Variants in MAPKAP1 observed in about 807,000 individuals in gnomAD.
The protein encoded by MAPKAP1 is MAPK associated protein 1.
In MAPKAP1, 20 loss-of-function variants were observed where a neutral mutation model predicts 65.7. The ratio of observed to expected loss-of-function variants is 0.30; its 90% CI spans 0.21 to 0.44. The LOEUF (loss-of-function observed/expected upper bound fraction) is 0.44, where lower values mean the gene tolerates loss of function less well. Ranked by LOEUF, MAPKAP1 falls within the 20% of genes least tolerant of loss-of-function variation. MAPKAP1 has a pLI of 1.00. For missense variants in MAPKAP1, 423 were observed against 648.0 expected, an observed-to-expected ratio of 0.65 and a Z score of 3.77; for synonymous variants, 222 against 244.3, an observed-to-expected ratio of 0.91 and a Z score of 0.85.
intron 5 of MAPKAP1, among the ~76,000 whole-genome samples, chr9:125,566,971 A>C (rs1275603760): frequency 6.6e-6 from 1 of 152,202 alleles, no homozygotes; most frequent in East Asian, 1.9e-4. Flanking sequence ...CCTCCTAGTC[A>C]CACAGCAAGC....
At chr9:125,536,539 T>G (rs1383919203) in intron 7 of MAPKAP1, among the ~76,000 whole-genome samples, 2 of 152,204 alleles carry the variant, frequency 1.3e-5, no homozygotes, top group African/African-American at 4.8e-5. Context: ...TCTGCAGAAT[T>G]TACTGCTTTT....
At chr9:125,570,008 C>T (rs1031693966) in intron 5 of MAPKAP1, among the ~76,000 whole-genome samples, 3 of 152,152 alleles carry the variant, frequency 2.0e-5, no homozygotes, top group African/African-American at 7.2e-5. Flanking sequence ...ATTAAGTTGG[C>T]TAAATGCTTT....
At chr9:125,618,697 AAT>A (rs1298674125) in intron 4 of MAPKAP1, among the ~76,000 whole-genome samples, 86 of 152,292 alleles carry the variant, frequency 5.6e-4, no homozygotes, top group African/African-American at 2.0e-3. Context: ...ATACACCTCA[AAT>A]ATGTTTTTCA....
chr9:125,664,554 GTC>G (rs1348791785), intron 3 of MAPKAP1, among the ~76,000 whole-genome samples: 1 of 150,000 alleles, frequency 6.7e-6, no homozygotes, highest in Non-Finnish European at 1.5e-5. Flanking sequence ...GTGAAACCCC[GTC>G]TCTACTAAAA....
intron 5 of MAPKAP1, among the ~76,000 whole-genome samples, chr9:125,563,259 G>C (rs1037665043): frequency 2.6e-5 from 4 of 152,172 alleles, no homozygotes; most frequent in African/African-American, 9.7e-5. Flanking sequence ...GAAACCCCCC[G>C]ATACAGACAT....
chr9:125,658,225 A>G (rs1345325624), intron 3 of MAPKAP1, among the ~76,000 whole-genome samples: 4 of 152,158 alleles, frequency 2.6e-5, no homozygotes. Context: ...TTGGAATTCT[A>G]GTTCTTCAAG....
At chr9:125,698,320 T>TATATATATATA (rs1835486645) in intron 1 of MAPKAP1, among the ~76,000 whole-genome samples, 5 of 102,746 alleles carry the variant, frequency 4.9e-5, no homozygotes, top group Non-Finnish European at 7.3e-5. Context: ...TATATATATA[T>TATATATATATA]ATATATATAT....
chr9:125,633,967 T>G (rs1833356527), intron 4 of MAPKAP1, among the ~76,000 whole-genome samples: 1 of 152,232 alleles, frequency 6.6e-6, no homozygotes, highest in African/African-American at 2.4e-5. Flanking sequence ...TATGCTGGAA[T>G]CCGATGTGTT....
chr9:125,676,423 C>T (rs900361523), intron 1 of MAPKAP1, among the ~76,000 whole-genome samples: 5 of 152,150 alleles, frequency 3.3e-5, no homozygotes, highest in East Asian at 1.9e-4. Context: ...TGGTATATAA[C>T]GATGGAATAT....
intron 1 of MAPKAP1, among the ~76,000 whole-genome samples, chr9:125,684,135 C>G (rs1834904347): frequency 2.0e-5 from 3 of 152,000 alleles, no homozygotes; most frequent in Non-Finnish European, 4.4e-5. Flanking sequence ...TTAAATTTAC[C>G]CAATTCTAGA....
intron 4 of MAPKAP1, among the ~76,000 whole-genome samples, chr9:125,636,536 G>C (rs1167793908): frequency 6.6e-6 from 1 of 152,196 alleles, no homozygotes; most frequent in Non-Finnish European, 1.5e-5. Flanking sequence ...CAATCTAATA[G>C]TGCCAGAACA....
At chr9:125,537,775 C>T (rs753720415) in intron 7 of MAPKAP1, among the ~76,000 whole-genome samples, 25 of 152,292 alleles carry the variant, frequency 1.6e-4, no homozygotes, top group Non-Finnish European at 2.6e-4. Flanking sequence ...AGCTACTGTG[C>T]CTGACTAAAA....
intron 11 of MAPKAP1, among the ~76,000 whole-genome samples, chr9:125,443,697 C>T (rs1852586231): frequency 7.7e-6 from 1 of 129,352 alleles, no homozygotes; most frequent in Admixed American, 7.5e-5. Context: ...GCCCCGCCAG[C>T]TCCCCCAGCC....
chr9:125,485,288 C>T (rs139099504), intron 8 of MAPKAP1, among the ~76,000 whole-genome samples: 13 of 152,318 alleles, frequency 8.5e-5, no homozygotes, highest in African/African-American at 3.1e-4. Flanking sequence ...CCTCTGCAGT[C>T]CAGCCGCCAC....
At chr9:125,450,156 C>T (rs1852888808) in intron 10 of MAPKAP1, among the ~76,000 whole-genome samples, 1 of 152,182 alleles carries the variant, frequency 6.6e-6, no homozygotes, top group African/African-American at 2.4e-5. Flanking sequence ...ACACAACCTG[C>T]CAGTACTGAC....
At chr9:125,588,211 A>G (rs1170076504) in intron 4 of MAPKAP1, among the ~76,000 whole-genome samples, 2 of 152,230 alleles carry the variant, frequency 1.3e-5, no homozygotes, top group Non-Finnish European at 2.9e-5. Flanking sequence ...ATACAATAGA[A>G]TATTATTCAG....
intron 3 of MAPKAP1, among the ~76,000 whole-genome samples, chr9:125,660,215 A>G (rs1449148881): frequency 6.6e-6 from 1 of 152,142 alleles, no homozygotes; most frequent in African/African-American, 2.4e-5. Context: ...AATACCATCT[A>G]TAAGGGGCAA....
intron 10 of MAPKAP1, chr9:125,450,944 A>T (rs1589199184): frequency 6.6e-6 from 1 of 152,274 alleles, no homozygotes; most frequent in East Asian, 1.9e-4. Context: ...AAGGTAATTC[A>T]ACTGGCAAAA....
chr9:125,595,699 A>G lies in MAPKAP1; in HGVS notation c.499-9972T>C. 6.4e-7 allele frequency: 1 copy of G among 1,556,232 alleles called. No homozygotes were observed. Among genetic ancestry groups the G allele is most frequent in the Non-Finnish European group, 8.7e-7 (1 of 1,155,664 alleles). The stretch of plus-strand genomic sequence containing the variant: ...AGTCAGAGTCTCCTAAAGAGCCGGA[A>G]CAGCTAAGGAATCTCTTCATTGGAG... On this transcript the variant is annotated intron_variant, in intron 4 of 11. Transcript: ENST00000265960. The surrounding 1 kb of genome is among the most constrained non-coding windows in gnomAD (Gnocchi z 4.0).
Sources: gnomAD v4.1 joint callset for allele counts (sites outside exome capture counted in the v4.1 genomes callset) on GRCh38, gnomAD v4.1.1 for gene constraint, Gnocchi (gnomAD v3.1) non-coding constraint, MANE v1.5 for transcripts, NCBI Gene and HGNC (gene_info 2026-07-23, HGNC 2026-07-21) for gene names.